Variants in CTU2 observed in about 807,000 individuals in gnomAD.
The protein encoded by CTU2 is cytosolic thiouridylase subunit 2, also known as cytoplasmic tRNA 2-thiolation protein 2.
In CTU2, 80 loss-of-function variants were observed where a neutral mutation model predicts 64.1. That is an observed-to-expected ratio of 1.25 (90% CI 1.04 to 1.50). The LOEUF is 1.50. Among genes scored for constraint, CTU2 ranks in the 40% most tolerant of loss-of-function variants. The pLI is 0.00. For missense variants in CTU2, 1,110 were observed against 690.2 expected, an observed-to-expected ratio of 1.61 and a Z score of -6.81; for synonymous variants, 482 against 285.3, an observed-to-expected ratio of 1.69 and a Z score of -6.95.
intron 12 of CTU2, 23 bp from the exon 13 acceptor site, chr16:88,714,837 C>A: frequency 6.2e-7 from 1 of 1,612,410 alleles, no homozygotes. Flanking sequence ...AAGGTGGGCA[C>A]ACAGCCAGCT....
At chr16:88,711,093 T>C (rs1013775445) in intron 4 of CTU2, among the ~76,000 whole-genome samples, 3 of 152,136 alleles carry the variant, frequency 2.0e-5, no homozygotes, top group Non-Finnish European at 4.4e-5. Flanking sequence ...GAGTGGGGTG[T>C]TGGTCTCAGG....
At chr16:88,713,927 C>A (rs908991739) in intron 9 of CTU2, 149 bp downstream of exon 9, 4 of 1,235,532 alleles carry the variant, frequency 3.2e-6, no homozygotes, top group Non-Finnish European at 3.5e-6. Flanking sequence ...CTGAGCCCAC[C>A]CTGTGCCGTG....
At chr16:88,709,465 C>T (rs1361158455) in intron 2 of CTU2, 1 of 157,498 alleles carries the variant, frequency 6.3e-6, no homozygotes, top group Non-Finnish European at 1.4e-5. Flanking sequence ...TTCCGCACTT[C>T]ACCCCAAAGA....
chr16:88,713,328 C>G lies in CTU2; in HGVS notation c.754C>G (p.His252Asp). The G allele has an allele frequency of 6.3e-7, 1 of 1,599,260 alleles. No individual in the cohort carries two copies. Among genetic ancestry groups the G allele is most frequent in the Non-Finnish European group, 8.5e-7 (1 of 1,174,288 alleles). The change falls in exon 8 of 15, where the codon CAC becomes GAC. Residue 252 changes from histidine (H) to aspartate (D), a missense_variant. Coordinates refer to ENST00000453996, the MANE Select transcript of CTU2 (RefSeq NM_001012759.3). ...GTGCTTTAGGACCCACCTGATCCTCCACATGGCCCGAGCCCACGGCTACTC... is the reference window on the plus strand; with the variant it reads ...GTGCTTTAGGACCCACCTGATCCTCGACATGGCCCGAGCCCACGGCTACTC... ...LQTLRTHLIL[H>D]MARAHGYSKV...
Position 88,706,611 on chromosome 16 carries a change from G to T in CTU2, c.68+13G>T. ...CGCCGCGGCCCAGGTAAGAGCTGGC[G>T]GCCGGACCCGCCAGGCCGCCCCTCG... On this transcript the variant is annotated intron_variant, in intron 1 of 14. Coordinates refer to ENST00000453996, the MANE Select transcript of CTU2 (RefSeq NM_001012759.3). 7.1e-7 allele frequency: 1 copy of T among 1,403,466 alleles called. No individual in the cohort carries two copies. Among genetic ancestry groups the T allele is most frequent in the Non-Finnish European group, 9.2e-7 (1 of 1,086,516 alleles). The allele number at this position is 1,403,466 out of a possible 1,614,324, so 86.9% of individuals were successfully genotyped here.
chr16:88,707,397 A>G (rs1296174682), intron 2 of CTU2, among the ~76,000 whole-genome samples, 187 bp downstream of exon 2: 1 of 152,176 alleles, frequency 6.6e-6, no homozygotes, highest in Admixed American at 6.5e-5. Context: ...TGCTTGGGAA[A>G]GTTTCCCATG....
At chr16:88,712,432 GC>G in intron 6 of CTU2, 49 bp downstream of exon 6, 2 of 1,480,222 alleles carry the variant, frequency 1.4e-6, no homozygotes, top group Non-Finnish European at 1.8e-6. Context: ...CCCCTGGGGG[GC>G]ACCTGCCCGT....
chr16:88,714,652 CT>C lies in CTU2; in HGVS notation c.1268del (p.Leu423ArgfsTer46). 6.2e-7 allele frequency: 1 copy of C among 1,612,562 alleles called. No homozygotes were observed. The highest frequency in any genetic ancestry group is 8.5e-7 in the Non-Finnish European group (1 of 1,179,814). On this transcript the variant is annotated frameshift_variant, in exon 12 of 15. Coordinates refer to ENST00000453996, the MANE Select transcript of CTU2 (RefSeq NM_001012759.3). LOFTEE classifies it high-confidence loss of function. ...CTCCCAGATGCAGTCACCCATCCCC[CT>C]GACTGAGACCCGGACACCCCCGGGG... ...RLSQMQSPIP[L>X]TETRTPPGPC...
chr16:88,715,305 CTG>C lies in CTU2; in HGVS notation c.*55_*56del. 6.3e-7 allele frequency: 1 copy of C among 1,575,474 alleles called. No individual in the cohort carries two copies. Among genetic ancestry groups the C allele is most frequent in the Admixed American group, 1.7e-5 (1 of 57,330 alleles). On this transcript the variant is annotated 3_prime_UTR_variant, in exon 15 of 15. Transcript: ENST00000453996. ...GGCAGTGGCCACCTGGTACACCACA[CTG>C]GAGCCGGAAGGCAAGGACGGGGGAC...
chr16:88,712,816 G>GCCTGCC lies in CTU2; in HGVS notation c.656_661dup (p.Pro219_Ala220dup), dbSNP rs1419412347. 3.7e-6 allele frequency: 6 copies of GCCTGCC among 1,601,028 alleles called. No individual in the cohort carries two copies. Among genetic ancestry groups the GCCTGCC allele is most frequent in the Non-Finnish European group, 5.1e-6 (6 of 1,174,270 alleles). On this transcript the variant is annotated inframe_insertion, in exon 7 of 15. Transcript: ENST00000453996. ...TGGACCCCCAGAACCTGGCAAGACCGCCTGCCCCTGCCCAGACTGAGGCTC... is the reference window on the plus strand; with the variant it reads ...TGGACCCCCAGAACCTGGCAAGACCGCCTGCCCCTGCCCCTGCCCAGACTGAGGCTC...
In CTU2 at chr16:88,714,717, T is replaced by A. The variant is rs8043637; in HGVS notation, c.1332T>A (p.Cys444Ter). The A allele has an allele frequency of 1.2e-6, 2 of 1,608,400 alleles. No homozygotes were observed. Among genetic ancestry groups the A allele is most frequent in the Admixed American group, 1.7e-5 (1 of 59,456 alleles). Reference sequence around the variant, plus strand: ...CAGGGGTGGGCTGGGCCCAGCGCTGTGGCCAGGGGGCCTGCAGGAGGTGAG... The same window carrying A: ...CAGGGGTGGGCTGGGCCCAGCGCTGAGGCCAGGGGGCCTGCAGGAGGTGAG... ...CSPGVGWAQRCGQGACRREDP... is the reference protein window; with the variant it reads ...CSPGVGWAQR Residue 444 changes from cysteine (C) to a stop codon, truncating the protein, a stop_gained, in exon 12 of 15, where the codon TGT becomes TGA. Coordinates refer to ENST00000453996, the MANE Select transcript of CTU2 (RefSeq NM_001012759.3). LOFTEE classifies it high-confidence loss of function.
In CTU2 at chr16:88,715,111, T is replaced by G. The variant is rs1911849259; in HGVS notation, c.1478+5T>G. 2 of 1,593,552 alleles carry G rather than the reference T, an allele frequency of 1.3e-6. No homozygotes were observed. The highest frequency in any genetic ancestry group is 1.3e-5 in the African/African-American group (1 of 74,596). ...GGCCCAGCTCCGCACACAGAGGTACTGGGGCCCACACTGCCGTGGCGCGTG... is the reference window on the plus strand; with the variant it reads ...GGCCCAGCTCCGCACACAGAGGTACGGGGGCCCACACTGCCGTGGCGCGTG... On this transcript the variant is annotated splice_donor_5th_base_variant and intron_variant, in intron 14 of 14. Transcript: ENST00000453996.
chr16:88,709,877 T>A (rs1357495894), intron 2 of CTU2, 61 bp from the exon 3 acceptor site: 2 of 1,424,674 alleles, frequency 1.4e-6, no homozygotes, highest in East Asian at 4.6e-5. Flanking sequence ...TGGCAGCGCC[T>A]CAGGACGCTG....
intron 10 of CTU2, 45 bp from the exon 11 acceptor site, chr16:88,714,338 C>T (rs936822224): frequency 6.2e-7 from 1 of 1,608,198 alleles, no homozygotes; most frequent in Non-Finnish European, 8.5e-7. Context: ...AGGGTGGAGC[C>T]CCAGCCCGTG....
chr16:88,715,145 G>C (rs751689988), intron 14 of CTU2, 37 bp from the exon 15 acceptor site: 11 of 1,608,696 alleles, frequency 6.8e-6, no homozygotes, highest in Non-Finnish European at 9.3e-6. Flanking sequence ...TGGGTAAGGG[G>C]CCTCGGGGCT....
chr16:88,711,816 A>C, intron 5 of CTU2, 121 bp downstream of exon 5: 1 of 919,200 alleles, frequency 1.1e-6, no homozygotes, highest in Non-Finnish European at 1.7e-6. Context: ...GTGTTGAGCT[A>C]CTGGTGCTGC....
rs74880807 is a variant in CTU2 at position 88,714,080 on chromosome 16, C to T, written c.1006-56C>T. The T allele has an allele frequency of 1.8e-4, 284 of 1,551,408 alleles. 1 individual carries two copies. The East Asian group carries it at 3.6e-3, about 20-fold the overall frequency. On this transcript the variant is annotated intron_variant, in intron 9 of 14. Coordinates refer to ENST00000453996, the MANE Select transcript of CTU2 (RefSeq NM_001012759.3). Reference sequence around the variant, plus strand: ...CGGCACCTGTCCTGGGGACTCTGCCCCAGCCTGGGGCTGGCCTCTGGGCTT... The same window carrying T: ...CGGCACCTGTCCTGGGGACTCTGCCTCAGCCTGGGGCTGGCCTCTGGGCTT...
rs762720221 is a variant in CTU2, at chr16:88,711,700, G to A, written c.343+5G>A. 6.2e-7 allele frequency: 1 copy of A among 1,608,262 alleles called. No homozygotes were observed. Among genetic ancestry groups the A allele is most frequent in the Non-Finnish European group, 8.5e-7 (1 of 1,176,148 alleles). On this transcript the variant is annotated splice_donor_5th_base_variant and intron_variant, in intron 5 of 14. Transcript: ENST00000453996. ...CAGGAGTCATCTTTGTTGACGGTAT[G>A]TGGGGCCATTGCTCCTCCTAGTCCC...
In CTU2 at chr16:88,714,744, C is replaced by T; in HGVS notation, c.1352+7C>T. On this transcript the variant is annotated splice_region_variant and intron_variant, in intron 12 of 14. Transcript: ENST00000453996. ...GCCAGGGGGCCTGCAGGAGGTGAGT[C>T]CCTGTCCCTGCCACCCATGGCCAGC... 1 of 1,605,714 alleles carries T rather than the reference C, an allele frequency of 6.2e-7. No homozygotes were observed. The highest frequency in any genetic ancestry group is 1.7e-5 in the Admixed American group (1 of 59,358).
Sources: gnomAD v4.1 joint callset for allele counts (sites outside exome capture counted in the v4.1 genomes callset) on GRCh38, gnomAD v4.1.1 for gene constraint, MANE v1.5 for transcripts, NCBI Gene and HGNC (gene_info 2026-07-23, HGNC 2026-07-21) for gene names.